HORMAD2: variants seen among roughly 807,000 people sequenced by gnomAD.
HORMAD2 encodes the protein HORMA domain containing 2.
In HORMAD2, 45 loss-of-function variants were observed where a neutral mutation model predicts 38.8. That is an observed-to-expected ratio of 1.16 (90% CI 0.91 to 1.49). The LOEUF (loss-of-function observed/expected upper bound fraction) is 1.49. Ranked by LOEUF, HORMAD2 falls within the 40% of genes most tolerant of loss-of-function variation. The pLI is 0.00. For missense variants in HORMAD2, 338 were observed against 367.0 expected (o/e 0.92, Z 0.65); for synonymous variants, 126 against 122.8 (o/e 1.03, Z -0.17).
chr22:30,104,490 T>A (rs947923503), intron 5 of HORMAD2, 53 bp downstream of exon 5: 18 of 1,427,476 alleles, frequency 1.3e-5, no homozygotes, highest in Non-Finnish European at 1.7e-5. Flanking sequence ...TTTTATTCTT[T>A]AAAAAAAGAA....
chr22:30,136,765 C>T (rs1323448453), intron 10 of HORMAD2: 13 of 189,238 alleles, frequency 6.9e-5, no homozygotes, highest in Non-Finnish European at 1.2e-4. Context: ...AAACTACTAC[C>T]TTCACCATGA....
At chr22:30,132,838 T>G (rs1923380990) in intron 10 of HORMAD2, among the ~76,000 whole-genome samples, 1 of 152,170 alleles carries the variant, frequency 6.6e-6, no homozygotes, top group African/African-American at 2.4e-5. Flanking sequence ...ACACTGATTA[T>G]CTGTATATGT....
chr22:30,207,243 A>T, the HORMAD2 span: 2 of 385,276 alleles, frequency 5.2e-6, no homozygotes, highest in Non-Finnish European at 1.1e-5. Flanking sequence ...TGTGAAGATG[A>T]GGACAAAGAC....
At chr22:30,078,460 G>A (rs55959541), upstream of HORMAD2, among the ~76,000 whole-genome samples, 4 of 151,396 alleles carry the variant, frequency 2.6e-5, no homozygotes, top group African/African-American at 9.7e-5. Flanking sequence ...ACAAAAATCA[G>A]CCGGGCATGG....
chr22:30,155,573 C>T (rs947696684), intron 10 of HORMAD2, among the ~76,000 whole-genome samples: 2 of 151,984 alleles, frequency 1.3e-5, no homozygotes, highest in Non-Finnish European at 2.9e-5. Context: ...TTCAAGGATC[C>T]CTGGTTTTTC....
chr22:30,094,568 A>T (rs546891794), intron 2 of HORMAD2, among the ~76,000 whole-genome samples: 1 of 152,350 alleles, frequency 6.6e-6, no homozygotes, highest in African/African-American at 2.4e-5. Context: ...TTCATCTTCC[A>T]AAAGTTTATA....
At chr22:30,201,876 G>A in the HORMAD2 span, among the ~76,000 whole-genome samples, 5 of 152,152 alleles carry the variant, frequency 3.3e-5, no homozygotes, top group South Asian at 8.3e-4. Context: ...GTGGCCACAC[G>A]GTGAAGGATC....
chr22:30,156,827 G>C (rs551149572), intron 10 of HORMAD2, among the ~76,000 whole-genome samples: 1 of 152,248 alleles, frequency 6.6e-6, no homozygotes, highest in East Asian at 1.9e-4. Context: ...TCATCAAAGA[G>C]ACTAAACTGC....
the HORMAD2 span, among the ~76,000 whole-genome samples, chr22:30,189,320 AC>A: frequency 0.24 from 36,156 of 151,638 alleles, 5,052 homozygotes; most frequent in Middle Eastern, 0.42. Flanking sequence ...TTCCAAAGAG[AC>A]TCCTTCAAGG....
intron 2 of HORMAD2, among the ~76,000 whole-genome samples, chr22:30,096,162 C>A (rs527422317): frequency 2.6e-5 from 4 of 152,188 alleles, no homozygotes; most frequent in East Asian, 1.9e-4. Context: ...GGGGCGTATA[C>A]CCCAGTTTTA....
chr22:30,179,010 G>C (rs1601605182), downstream of HORMAD2, among the ~76,000 whole-genome samples: 1 of 152,100 alleles, frequency 6.6e-6, no homozygotes, highest in East Asian at 1.9e-4. Flanking sequence ...TCCAGGAAGA[G>C]GCTGGAAATG....
chr22:30,107,860 A>C (rs1284609473), intron 5 of HORMAD2, among the ~76,000 whole-genome samples: 3 of 150,346 alleles, frequency 2.0e-5, no homozygotes, highest in African/African-American at 7.5e-5. Context: ...TCTAGTTATG[A>C]AATTTTGTGT....
At chr22:30,201,380 A>C in the HORMAD2 span, among the ~76,000 whole-genome samples, 1 of 151,464 alleles carries the variant, frequency 6.6e-6, no homozygotes, top group Non-Finnish European at 1.5e-5. Flanking sequence ...ATTTCCAAAT[A>C]AGGTTATATT....
At chr22:30,141,523 A>G (rs1485236609) in intron 10 of HORMAD2, among the ~76,000 whole-genome samples, 1 of 151,848 alleles carries the variant, frequency 6.6e-6, no homozygotes, top group Non-Finnish European at 1.5e-5. Context: ...GCCCTTCCAC[A>G]TACATTTGAG....
chr22:30,089,749 C>T (rs1421043614), intron 1 of HORMAD2, among the ~76,000 whole-genome samples: 1 of 152,112 alleles, frequency 6.6e-6, no homozygotes. Context: ...AAACTCAACA[C>T]CTCAGCTTTT....
At chr22:30,158,263 A>AAAAAC (rs1267573617) in intron 10 of HORMAD2, among the ~76,000 whole-genome samples, 2 of 152,118 alleles carry the variant, frequency 1.3e-5, no homozygotes, top group African/African-American at 4.8e-5. Context: ...AAAGTAAAAA[A>AAAAAC]AAAACAAAAA....
At chr22:30,203,730 C>T in the HORMAD2 span, among the ~76,000 whole-genome samples, 32 of 152,316 alleles carry the variant, frequency 2.1e-4, no homozygotes, top group Admixed American at 7.2e-4. Context: ...CACCTGTCTG[C>T]GCACACATTC....
chr22:30,093,169 C>T (rs1601506684), intron 1 of HORMAD2, among the ~76,000 whole-genome samples: 1 of 152,108 alleles, frequency 6.6e-6, no homozygotes, highest in Non-Finnish European at 1.5e-5. Flanking sequence ...CAATTTCTTT[C>T]ATCAGTGTTC....
At chr22:30,098,532 C>G (rs1261681594) in intron 2 of HORMAD2, among the ~76,000 whole-genome samples, 1 of 152,034 alleles carries the variant, frequency 6.6e-6, no homozygotes, top group Non-Finnish European at 1.5e-5. Flanking sequence ...GGAGGAAAAT[C>G]CAGATTGCAG....
Sources: allele counts gnomAD v4.1 joint callset (sites outside exome capture counted in the v4.1 genomes callset), GRCh38; gene constraint gnomAD v4.1.1; transcripts MANE v1.5; gene names NCBI Gene and HGNC (gene_info 2026-07-23, HGNC 2026-07-21).